Variants in MYRIP observed in about 807,000 individuals in gnomAD.
MYRIP encodes the protein rab effector MyRIP.
In MYRIP, 49 loss-of-function variants were observed where a neutral mutation model predicts 98.0. That is an observed-to-expected ratio of 0.50 (90% CI 0.40 to 0.63). The LOEUF (loss-of-function observed/expected upper bound fraction) is 0.63, where lower values mean the gene tolerates loss of function less well. Among genes scored for constraint, MYRIP ranks in the 30% least tolerant of loss-of-function variants. MYRIP has a pLI of 0.00. For synonymous variants in MYRIP, 404 were observed against 409.5 expected, an observed-to-expected ratio of 0.99 and a Z score of 0.16; for missense variants, 1,004 against 1,058.2, an observed-to-expected ratio of 0.95 and a Z score of 0.71.
At chr3:39,956,463 A>G (rs567253721) in intron 2 of MYRIP, among the ~76,000 whole-genome samples, 1 of 152,346 alleles carries the variant, frequency 6.6e-6, no homozygotes, top group Admixed American at 6.5e-5. Flanking sequence ...AGAAATAAAG[A>G]TGTTCTTTGA....
rs1339270754 is a variant in MYRIP, at chr3:40,212,246, A to G, written c.1905+2153A>G. On this transcript the variant is annotated intron_variant, in intron 11 of 16. Coordinates refer to ENST00000302541, the MANE Select transcript of MYRIP (RefSeq NM_015460.4). ...TATATACACACACACACACACACAC[A>G]TATATATATATACACGTATATATAT... is the stretch of plus-strand genomic sequence containing the variant. Among the ~76,000 whole-genome samples the G allele has an allele frequency of 6.0e-4, 63 of 105,816 alleles. 19 individuals carry two copies. Among genetic ancestry groups the G allele is most frequent in the Non-Finnish European group, 9.0e-4 (43 of 47,834 alleles). 69.4% of individuals were successfully genotyped at this position (105,816 alleles called of 152,430 possible).
rs140847463 is a variant in MYRIP at position 40,226,630 on chromosome 3, G to A, written c.1906-7229G>A. ...CAGGCAGACCCTAATACAAATCCCG[G>A]CTTCTTCAAGGAAAACCTTGTCACC... On this transcript the variant is annotated intron_variant, in intron 11 of 16. Transcript: ENST00000302541. Among the ~76,000 whole-genome samples the A allele has an allele frequency of 1.7e-4, 26 of 152,272 alleles. 1 individual carries two copies. The highest frequency in any genetic ancestry group is 2.1e-4 in the Non-Finnish European group (14 of 68,020).
At chr3:40,112,543 G>T (rs1293811269) in intron 3 of MYRIP, among the ~76,000 whole-genome samples, 1 of 152,134 alleles carries the variant, frequency 6.6e-6, no homozygotes, top group African/African-American at 2.4e-5. Flanking sequence ...CTGCATTTTT[G>T]AGCAGTCCTA....
At chr3:40,098,630 G>A (rs1948876269) in intron 3 of MYRIP, among the ~76,000 whole-genome samples, 1 of 152,034 alleles carries the variant, frequency 6.6e-6, no homozygotes, top group South Asian at 2.1e-4. Context: ...AAAGGCATAT[G>A]CATATTCTTC....
chr3:39,910,961 T>G (rs1157234321), intron 2 of MYRIP, among the ~76,000 whole-genome samples: 1 of 152,186 alleles, frequency 6.6e-6, no homozygotes, highest in Non-Finnish European at 1.5e-5. Flanking sequence ...TCAAATATTG[T>G]TGTCTCTGTC....
At chr3:40,015,044 G>A (rs1410887877) in intron 2 of MYRIP, among the ~76,000 whole-genome samples, 1 of 152,126 alleles carries the variant, frequency 6.6e-6, no homozygotes, top group Non-Finnish European at 1.5e-5. Flanking sequence ...TTTCCTAGTG[G>A]GGCAAGGCAG....
rs573848215 is a variant in MYRIP at position 40,256,543 on chromosome 3, T to A, written c.2548-1591T>A. On this transcript the variant is annotated intron_variant, in intron 16 of 16. Coordinates refer to ENST00000302541, the MANE Select transcript of MYRIP (RefSeq NM_015460.4). ...TCTAGAAGTTATTTGAAAAAAAAAATATTTTGTAAGTCACATAAAAAAACT... is the reference window on the plus strand; with the variant it reads ...TCTAGAAGTTATTTGAAAAAAAAAAAATTTTGTAAGTCACATAAAAAAACT... 3.2e-3 allele frequency among the ~76,000 whole-genome samples: 478 copies of A among 150,330 alleles called. 3 individuals are homozygous for A. The highest frequency in any genetic ancestry group is 0.011 in the African/African-American group (459 of 40,868).
At chr3:40,248,271 T>A (rs967351270) in intron 13 of MYRIP, 1 of 152,248 alleles carries the variant, frequency 6.6e-6, no homozygotes, top group Non-Finnish European at 1.5e-5. Context: ...AAGGGTGCTG[T>A]CCACTGCATC....
At chr3:39,891,476 T>A (rs1023902472) in intron 1 of MYRIP, among the ~76,000 whole-genome samples, 2 of 152,182 alleles carry the variant, frequency 1.3e-5, no homozygotes. Context: ...TTGAAGACTT[T>A]CAGATTATTT....
rs542486437 is a variant in MYRIP at position 39,974,561 on chromosome 3, A to G, written c.111-69489A>G. ...CCCTAACTCATTTTATGAGGCCAGC[A>G]TCATCCCGGTACCAAAGCCTGGCAG... On this transcript the variant is annotated intron_variant, in intron 2 of 16. Transcript: ENST00000302541. Among the ~76,000 whole-genome samples the G allele has an allele frequency of 2.0e-5, 3 of 152,324 alleles. No individual in the cohort carries two copies. The South Asian group carries it at 6.2e-4, about 32-fold the overall frequency.
chr3:39,923,390 A>T (rs1331571407), intron 2 of MYRIP, among the ~76,000 whole-genome samples: 1 of 152,174 alleles, frequency 6.6e-6, no homozygotes, highest in Non-Finnish European at 1.5e-5. Flanking sequence ...ACACCAAGAC[A>T]CATCCTAACT....
chr3:39,946,734 C>A (rs538199345), intron 2 of MYRIP, among the ~76,000 whole-genome samples: 1 of 152,166 alleles, frequency 6.6e-6, no homozygotes, highest in South Asian at 2.1e-4. Flanking sequence ...GCAACACCTT[C>A]CTTTCAGCCT....
intron 3 of MYRIP, among the ~76,000 whole-genome samples, chr3:40,110,881 GGTGTGTGT>G (rs58040369): frequency 0.24 from 34,737 of 147,512 alleles, 4,577 homozygotes; most frequent in East Asian, 0.48. Flanking sequence ...TTCATGAAGG[GGTGTGTGT>G]GTGTGTGTGT....
chr3:40,215,050 G>A (rs529477597), intron 11 of MYRIP, among the ~76,000 whole-genome samples: 32 of 152,250 alleles, frequency 2.1e-4, no homozygotes, highest in Middle Eastern at 3.4e-3. Context: ...CAATACTGTA[G>A]ATGAAAAAAG....
At chr3:39,868,898 C>T (rs953244423) in intron 1 of MYRIP, among the ~76,000 whole-genome samples, 1 of 152,192 alleles carries the variant, frequency 6.6e-6, no homozygotes. Flanking sequence ...CACAATTTCT[C>T]GTAAGAGGTC....
At chr3:40,059,232 G>A (rs1947949469) in intron 3 of MYRIP, among the ~76,000 whole-genome samples, 1 of 152,082 alleles carries the variant, frequency 6.6e-6, no homozygotes, top group Admixed American at 6.6e-5. Flanking sequence ...GAATAGTGCT[G>A]CAATAAACTT....
At chr3:39,874,203 A>T (rs549403202) in intron 1 of MYRIP, among the ~76,000 whole-genome samples, 38 of 152,240 alleles carry the variant, frequency 2.5e-4, no homozygotes, top group African/African-American at 8.4e-4. Context: ...TCCTGAAGAC[A>T]TTGCTGAAGT....
intron 1 of MYRIP, among the ~76,000 whole-genome samples, chr3:39,872,547 C>G (rs982629412): frequency 9.1e-5 from 13 of 143,190 alleles, no homozygotes; most frequent in Non-Finnish European, 1.9e-4. Flanking sequence ...TCCATGTGTT[C>G]TCATTGTTCA....
intron 2 of MYRIP, among the ~76,000 whole-genome samples, chr3:39,982,857 A>G (rs1408226258): frequency 6.6e-6 from 1 of 152,190 alleles, no homozygotes; most frequent in Non-Finnish European, 1.5e-5. Context: ...AAATTTCTCC[A>G]GGATTATTTA....
Sources: gnomAD v4.1 joint callset for allele counts (sites outside exome capture counted in the v4.1 genomes callset) on GRCh38, gnomAD v4.1.1 for gene constraint, MANE v1.5 for transcripts, NCBI Gene and HGNC (gene_info 2026-07-23, HGNC 2026-07-21) for gene names.